Variants in CHN1 observed in about 807,000 individuals in gnomAD.
CHN1 encodes chimerin 1, also known as N-chimaerin.
A neutral mutation model predicts 59.5 loss-of-function variants in CHN1; 37 were observed. The observed-to-expected ratio is 0.62, with a 90% CI of 0.48 to 0.82. The LOEUF is 0.82. Among genes scored for constraint, CHN1 ranks in the 40% least tolerant of loss-of-function variants. The probability of loss-of-function intolerance (pLI) is 0.00; values close to 1 mark genes in which losing one functional copy is unlikely to be tolerated. For synonymous variants in CHN1, 206 were observed against 200.4 expected (o/e 1.03, Z -0.24); for missense variants, 469 against 571.0 (o/e 0.82, Z 1.82).
chr2:174,832,556 T>C (rs1399356005), intron 7 of CHN1, among the ~76,000 whole-genome samples: 2 of 152,150 alleles, frequency 1.3e-5, no homozygotes, highest in Admixed American at 6.5e-5. Flanking sequence ...TTGTGATTTC[T>C]TCTTCAACCC....
intron 5 of CHN1, among the ~76,000 whole-genome samples, chr2:174,895,186 A>ATGTG (rs574252092): frequency 7.9e-6 from 1 of 126,150 alleles, no homozygotes; most frequent in Non-Finnish European, 1.7e-5. Context: ...GAGTATATAT[A>ATGTG]TGTGTGTGTG....
intron 3 of CHN1, among the ~76,000 whole-genome samples, chr2:174,931,289 T>C (rs1267506816): frequency 6.6e-6 from 1 of 152,200 alleles, no homozygotes; most frequent in Admixed American, 6.5e-5. Context: ...CACCAAGATA[T>C]ATGAGCATGT....
At chr2:174,902,533 C>T (rs1688419241) in intron 5 of CHN1, among the ~76,000 whole-genome samples, 1 of 152,026 alleles carries the variant, frequency 6.6e-6, no homozygotes, top group Non-Finnish European at 1.5e-5. Flanking sequence ...TTAAAATTTT[C>T]CCATAAAATG....
At chr2:174,876,554 T>C (rs999127114) in intron 6 of CHN1, among the ~76,000 whole-genome samples, 1 of 152,220 alleles carries the variant, frequency 6.6e-6, no homozygotes, top group Admixed American at 6.5e-5. Context: ...TTGTGGTTCC[T>C]AACAATATGA....
intron 6 of CHN1, among the ~76,000 whole-genome samples, chr2:174,848,462 G>A (rs571701499): frequency 5.9e-5 from 9 of 152,222 alleles, no homozygotes; most frequent in South Asian, 4.1e-4. Context: ...CCCTAAGTAC[G>A]TCCTATCATC....
At chr2:174,922,408 T>C (rs1689041321) in intron 3 of CHN1, among the ~76,000 whole-genome samples, 1 of 152,164 alleles carries the variant, frequency 6.6e-6, no homozygotes, top group Admixed American at 6.5e-5. Flanking sequence ...TAAAATGGGT[T>C]AGTCAGGCAT....
chr2:174,802,619 GCATT>G (rs1684762448), intron 11 of CHN1, among the ~76,000 whole-genome samples: 1 of 152,184 alleles, frequency 6.6e-6, no homozygotes, highest in Non-Finnish European at 1.5e-5. Flanking sequence ...AGATCAGACT[GCATT>G]CAATTCATTA....
chr2:174,998,997 T>C (rs896988899), intron 1 of CHN1, among the ~76,000 whole-genome samples: 1 of 152,184 alleles, frequency 6.6e-6, no homozygotes, highest in Non-Finnish European at 1.5e-5. Context: ...TCACAAAGTA[T>C]CTATTCTTTT....
Position 174,915,084 on chromosome 2 carries a change from C to A in CHN1, c.234G>T (p.Gln78His). The stretch of plus-strand genomic sequence containing the variant: ...TTAAAGCCAAAGTGTAGGTCCCTGG[C>A]TGCCGCTGGCTCTCCCGGATGAGGT... The part of the protein sequence containing the change: ...GSYLIRESQR[Q>H]PGTYTLALRF... Residue 78 changes from glutamine (Q) to histidine (H), a missense_variant, in exon 5 of 13, where the codon CAG becomes CAT. This residue lies in a region of CHN1 where 152 missense variants were observed against 166.1 expected (regional missense o/e 0.92). Coordinates refer to ENST00000409900, the MANE Select transcript of CHN1 (RefSeq NM_001822.7). 6.2e-7 allele frequency: 1 copy of A among 1,611,434 alleles called. No homozygotes were observed. The highest frequency in any genetic ancestry group is 8.5e-7 in the Non-Finnish European group (1 of 1,178,848).
intron 1 of CHN1, among the ~76,000 whole-genome samples, chr2:174,952,527 G>A (rs1213287473): frequency 3.3e-5 from 5 of 152,132 alleles, no homozygotes; most frequent in Non-Finnish European, 5.9e-5. Flanking sequence ...TGGGCTTAAT[G>A]ATTATTTCAC....
intron 1 of CHN1, among the ~76,000 whole-genome samples, chr2:174,955,127 A>AAT (rs1553486775): frequency 1.4e-5 from 2 of 147,174 alleles, no homozygotes; most frequent in Non-Finnish European, 3.0e-5. Context: ...CTATAGATCT[A>AAT]ATATAGATCT....
At chr2:174,880,989 T>A (rs1024753640) in intron 5 of CHN1, among the ~76,000 whole-genome samples, 1 of 149,272 alleles carries the variant, frequency 6.7e-6, no homozygotes, top group Admixed American at 6.7e-5. Flanking sequence ...GAGGTTGTGG[T>A]GAGCCAAGAT....
intron 3 of CHN1, among the ~76,000 whole-genome samples, chr2:174,935,205 C>T (rs1020459285): frequency 2.6e-5 from 4 of 152,214 alleles, no homozygotes; most frequent in East Asian, 1.9e-4. Flanking sequence ...ACCAACTCTG[C>T]GCTTCTGCAC....
chr2:174,910,899 CAAAAAAAAAA>C (rs10568066), intron 5 of CHN1, among the ~76,000 whole-genome samples: 6 of 76,640 alleles, frequency 7.8e-5, no homozygotes, highest in Non-Finnish European at 7.5e-5. Context: ...GACTCCGTCT[CAAAAAAAAAA>C]AAAAAAAAAA....
chr2:174,997,268 ACCT>A (rs1691737787), intron 1 of CHN1, among the ~76,000 whole-genome samples: 1 of 151,996 alleles, frequency 6.6e-6, no homozygotes. Context: ...CCTTCCCCAG[ACCT>A]CGAACGTCCT....
In CHN1 at chr2:174,799,681, C is replaced by T; in HGVS notation, c.*435G>A. On this transcript the variant is annotated 3_prime_UTR_variant, in exon 13 of 13. Coordinates refer to ENST00000409900, the MANE Select transcript of CHN1 (RefSeq NM_001822.7). ...TAACAGCCAGAGGTGCTGTTTTATC[C>T]ATTTGTGTGTGCGTGTTTGTACAAG... The T allele has an allele frequency of 1.9e-6, 1 of 533,684 alleles. No homozygotes were observed. The highest frequency in any genetic ancestry group is 3.6e-6 in the Non-Finnish European group (1 of 276,070). The allele number at this position is 533,684 out of a possible 1,614,324, so 33.1% of individuals were successfully genotyped here.
chr2:174,800,870 G>C (rs1358507582), intron 12 of CHN1, among the ~76,000 whole-genome samples: 1 of 152,158 alleles, frequency 6.6e-6, no homozygotes, highest in Non-Finnish European at 1.5e-5. Flanking sequence ...CATCCCAACA[G>C]GAAGCAATCC....
chr2:174,988,235 T>C (rs1691416852), intron 1 of CHN1, among the ~76,000 whole-genome samples: 1 of 151,394 alleles, frequency 6.6e-6, no homozygotes, highest in Non-Finnish European at 1.5e-5. Context: ...TGCGCGCCTG[T>C]AGTCCCAGCT....
chr2:174,993,308 C>A (rs1691607934), intron 1 of CHN1, among the ~76,000 whole-genome samples: 1 of 145,844 alleles, frequency 6.9e-6, no homozygotes, highest in Admixed American at 7.1e-5. Context: ...AGTCCAATCT[C>A]TCTCCCCTAT....
Sources: gnomAD v4.1 joint callset for allele counts (sites outside exome capture counted in the v4.1 genomes callset) on GRCh38, gnomAD v4.1.1 for gene constraint, gnomAD v4.1.1 regional missense constraint, MANE v1.5 for transcripts, NCBI Gene and HGNC (gene_info 2026-07-23, HGNC 2026-07-21) for gene names.